Variants in PPP1R1C observed in about 807,000 individuals in gnomAD.
The protein encoded by PPP1R1C is protein phosphatase 1 regulatory subunit 1C.
A neutral mutation model predicts 17.4 loss-of-function variants in PPP1R1C; 15 were observed. The observed-to-expected ratio is 0.86, with a 90% CI of 0.58 to 1.33. PPP1R1C has a LOEUF of 1.33. Ranked by LOEUF, PPP1R1C falls within the 40% of genes most tolerant of loss-of-function variation. The pLI, the probability that PPP1R1C is intolerant of heterozygous loss-of-function variation, is 0.00. For synonymous variants in PPP1R1C, 35 were observed against 43.1 expected, an observed-to-expected ratio of 0.81 and a Z score of 0.73; for missense variants, 143 against 130.0, an observed-to-expected ratio of 1.10 and a Z score of -0.48.
upstream of PPP1R1C, among the ~76,000 whole-genome samples, chr2:181,984,088 T>C (rs568490200): frequency 1.3e-5 from 2 of 152,232 alleles, no homozygotes; most frequent in Non-Finnish European, 2.9e-5. Context: ...TAGATAGATA[T>C]TCTTAGTGAT....
chr2:182,009,111 C>G (rs1198173058), intron 2 of PPP1R1C, among the ~76,000 whole-genome samples: 1 of 152,098 alleles, frequency 6.6e-6, no homozygotes, highest in Non-Finnish European at 1.5e-5. Flanking sequence ...GATATCTCTT[C>G]AATACACTGA....
At chr2:182,006,879 A>G (rs993170187) in intron 2 of PPP1R1C, among the ~76,000 whole-genome samples, 1 of 152,168 alleles carries the variant, frequency 6.6e-6, no homozygotes, top group Non-Finnish European at 1.5e-5. Context: ...TTGCTTGTTG[A>G]TAGCTTTCAG....
chr2:182,101,860 G>T (rs1042017782), intron 4 of PPP1R1C, among the ~76,000 whole-genome samples: 1 of 152,186 alleles, frequency 6.6e-6, no homozygotes, highest in African/African-American at 2.4e-5. Flanking sequence ...CAGTAACTAG[G>T]TGGGGAGGAG....
intron 2 of PPP1R1C, among the ~76,000 whole-genome samples, chr2:182,055,465 C>G (rs147238417): frequency 6.6e-6 from 1 of 152,114 alleles, no homozygotes; most frequent in South Asian, 2.1e-4. Flanking sequence ...TTCTAAGACT[C>G]CTTTTTTCAA....
In PPP1R1C at chr2:181,957,105, A is replaced by G. The variant is rs1684682430; in HGVS notation, n.111+2471A>G. The stretch of plus-strand genomic sequence containing the variant: ...CCAGGTGCAGTGGTTCACGCCTGTA[A>G]TCTCACCACTTTGGGAGGCTGAGGT... On this transcript the variant is annotated intron_variant and non_coding_transcript_variant, in intron 1 of 5. Coordinates refer to the PPP1R1C transcript ENST00000464264. The surrounding 1 kb of genome is among the most constrained non-coding windows in gnomAD (Gnocchi z 4.2). 6.6e-6 allele frequency among the ~76,000 whole-genome samples: 1 copy of G among 152,196 alleles called. No homozygotes were observed. Among genetic ancestry groups the G allele is most frequent in the African/African-American group, 2.4e-5 (1 of 41,442 alleles).
intron 4 of PPP1R1C, among the ~76,000 whole-genome samples, chr2:182,081,714 T>C (rs1350363986): frequency 6.6e-6 from 1 of 152,160 alleles, no homozygotes; most frequent in East Asian, 1.9e-4. Flanking sequence ...TAATAAAAAC[T>C]CCTGCACTTA....
intron 2 of PPP1R1C, among the ~76,000 whole-genome samples, chr2:182,005,341 T>C (rs1321280153): frequency 6.6e-6 from 1 of 152,196 alleles, no homozygotes; most frequent in Non-Finnish European, 1.5e-5. Context: ...GAGCATGGGA[T>C]ATTATCTCCG....
chr2:182,075,096 T>C (rs1414261528), intron 4 of PPP1R1C, among the ~76,000 whole-genome samples: 1 of 152,242 alleles, frequency 6.6e-6, no homozygotes, highest in Non-Finnish European at 1.5e-5. Flanking sequence ...ATTTATGATC[T>C]GTATTCTACA....
chr2:182,061,382 T>C (rs1687844617), intron 2 of PPP1R1C, 60 bp from the exon 3 acceptor site: 2 of 1,097,672 alleles, frequency 1.8e-6, no homozygotes, highest in Non-Finnish European at 2.6e-6. Flanking sequence ...AAAATGTTAA[T>C]ATATATATTA....
intron 4 of PPP1R1C, among the ~76,000 whole-genome samples, chr2:182,099,166 A>G (rs75985542): frequency 0.024 from 3,622 of 152,266 alleles, 133 homozygotes; most frequent in African/African-American, 0.082. Context: ...ACTTGTCAAG[A>G]GATCATGGGC....
chr2:182,019,663 T>C (rs1471529433), intron 2 of PPP1R1C, among the ~76,000 whole-genome samples: 4 of 152,118 alleles, frequency 2.6e-5, no homozygotes, highest in Non-Finnish European at 5.9e-5. Flanking sequence ...GGAGGTTAAG[T>C]AATGAGCCTG....
intron 4 of PPP1R1C, among the ~76,000 whole-genome samples, chr2:182,115,910 T>C (rs923386276): frequency 2.0e-5 from 3 of 152,164 alleles, no homozygotes; most frequent in African/African-American, 7.2e-5. Flanking sequence ...TAGAGTGTTT[T>C]TTAGTAATAC....
chr2:182,108,889 A>G (rs1389290453), intron 4 of PPP1R1C, among the ~76,000 whole-genome samples: 1 of 152,184 alleles, frequency 6.6e-6, no homozygotes, highest in South Asian at 2.1e-4. Context: ...AATACAAAGC[A>G]GTGATTTCTG....
At chr2:182,048,519 G>A (rs1687411763) in intron 2 of PPP1R1C, among the ~76,000 whole-genome samples, 1 of 152,182 alleles carries the variant, frequency 6.6e-6, no homozygotes, top group South Asian at 2.1e-4. Flanking sequence ...GATTTCTCTG[G>A]CACTTTGAAC....
chr2:181,961,407 G>C lies in PPP1R1C; in HGVS notation n.111+6773G>C, dbSNP rs1684792171. The C allele has an allele frequency of 1.4e-6, 1 of 732,032 alleles. No individual in the cohort carries two copies. Among genetic ancestry groups the C allele is most frequent in the East Asian group, 2.6e-5 (1 of 38,500 alleles). The allele number at this position is 732,032 out of a possible 1,614,324, so 45.3% of individuals were successfully genotyped here. On this transcript the variant is annotated intron_variant and non_coding_transcript_variant, in intron 1 of 5. Coordinates refer to the PPP1R1C transcript ENST00000464264. The surrounding 1 kb of genome is among the most constrained non-coding windows in gnomAD (Gnocchi z 5.8). ...GCAGAGCCTCGTACTCCCCGATCTGGTGCTGTCCCTCTGCCCGGCTCTGTG... is the reference window on the plus strand; with the variant it reads ...GCAGAGCCTCGTACTCCCCGATCTGCTGCTGTCCCTCTGCCCGGCTCTGTG...
rs2125238206 is a variant in PPP1R1C at position 182,117,481 on chromosome 2, C to G, written c.*186C>G. 2.0e-6 allele frequency: 1 copy of G among 490,040 alleles called. No homozygotes were observed. Among genetic ancestry groups the G allele is most frequent in the East Asian group, 3.4e-5 (1 of 29,724 alleles). 30.4% of individuals were successfully genotyped at this position (490,040 alleles called of 1,614,324 possible). On this transcript the variant is annotated 3_prime_UTR_variant, in exon 5 of 5. Coordinates refer to ENST00000682840, the MANE Select transcript of PPP1R1C (RefSeq NM_001080545.3). ...ACTTTAGAACTAAGTACACATTGTT[C>G]CACATCACTTATAATTAAAGAATAA...
intron 4 of PPP1R1C, among the ~76,000 whole-genome samples, chr2:182,076,192 CTTTTCTTTTTTTTTTTTT>C (rs1688297630): frequency 4.3e-4 from 11 of 25,856 alleles, no homozygotes; most frequent in Middle Eastern, 0.029. Flanking sequence ...TTTTTTTTTT[CTTTTCTTTTTTTTTTTTT>C]TTTTTTTTTT....
At chr2:182,032,507 A>G (rs1686875639) in intron 2 of PPP1R1C, among the ~76,000 whole-genome samples, 1 of 152,154 alleles carries the variant, frequency 6.6e-6, no homozygotes, top group African/African-American at 2.4e-5. Flanking sequence ...GTTCACTGGT[A>G]TATTCCAGGA....
intron 2 of PPP1R1C, among the ~76,000 whole-genome samples, chr2:182,034,909 G>A (rs1405337524): frequency 6.6e-6 from 1 of 152,182 alleles, no homozygotes; most frequent in Non-Finnish European, 1.5e-5. Context: ...AATGTTTTAT[G>A]GATTGAACTG....
Sources: allele counts gnomAD v4.1 joint callset (sites outside exome capture counted in the v4.1 genomes callset), GRCh38; gene constraint gnomAD v4.1.1; non-coding constraint Gnocchi (gnomAD v3.1); transcripts MANE v1.5; gene names NCBI Gene and HGNC (gene_info 2026-07-23, HGNC 2026-07-21).